Variants in PCDHGB2 observed in about 807,000 individuals in gnomAD.
PCDHGB2 encodes protocadherin gamma subfamily B, 2.
A neutral mutation model predicts 59.3 loss-of-function variants in PCDHGB2; 55 were observed. The ratio of observed to expected loss-of-function variants is 0.93; its 90% CI spans 0.75 to 1.16. The LOEUF (loss-of-function observed/expected upper bound fraction) is 1.16. Among genes scored for constraint, PCDHGB2 ranks in the 50% most tolerant of loss-of-function variants. PCDHGB2 has a pLI of 0.00. For synonymous variants in PCDHGB2, 516 were observed against 512.0 expected, an observed-to-expected ratio of 1.01 and a Z score of -0.11; for missense variants, 1,228 against 1,198.5, an observed-to-expected ratio of 1.02 and a Z score of -0.36.
At chr5:141,427,773 C>T (rs1285483564) in intron 1 of PCDHGB2, 1 of 1,414,460 alleles carries the variant, frequency 7.1e-7, no homozygotes, top group Non-Finnish European at 9.9e-7. Flanking sequence ...CTTGGAGCTG[C>T]GGGCACTGTC....
intron 1 of PCDHGB2, chr5:141,373,780 T>A (rs1403034903): frequency 7.2e-6 from 2 of 277,114 alleles, no homozygotes; most frequent in Non-Finnish European, 1.3e-5. Flanking sequence ...CTCTGCAGAT[T>A]TAGCAGAAAT....
intron 1 of PCDHGB2, chr5:141,390,100 C>A (rs2092045935): frequency 1.2e-6 from 2 of 1,614,060 alleles, no homozygotes; most frequent in Non-Finnish European, 1.7e-6. Context: ...GTGGTTCCCC[C>A]CAACTACAGC....
intron 1 of PCDHGB2, among the ~76,000 whole-genome samples, chr5:141,474,280 C>A (rs1490512371): frequency 6.6e-6 from 1 of 152,136 alleles, no homozygotes; most frequent in African/African-American, 2.4e-5. Context: ...CTCTGAATAA[C>A]CCACTAGATC....
intron 1 of PCDHGB2, chr5:141,402,998 C>G: frequency 6.2e-7 from 1 of 1,613,908 alleles, no homozygotes; most frequent in Non-Finnish European, 8.5e-7. Context: ...ATTAGTCCTG[C>G]TATGCTCGCT....
At position 141,432,554 on chromosome 5, in the gene PCDHGB2, G is replaced by A. The variant is rs757821109; in HGVS notation, c.2422-62253G>A. The A allele has an allele frequency of 9.3e-6, 15 of 1,613,832 alleles. No homozygotes were observed. Among genetic ancestry groups the A allele is most frequent in the Non-Finnish European group, 1.3e-5 (15 of 1,180,006 alleles). On this transcript the variant is annotated intron_variant, in intron 1 of 3. Coordinates refer to ENST00000522605, the MANE Select transcript of PCDHGB2 (RefSeq NM_018923.3). The surrounding 1 kb of genome is among the most constrained non-coding windows in gnomAD (Gnocchi z 6.0). ...GGTGGTGGCGGTGGACAGAGACTCCGGCCAGAACGCCTGGCTGTCCTACCG... is the reference window on the plus strand; with the variant it reads ...GGTGGTGGCGGTGGACAGAGACTCCAGCCAGAACGCCTGGCTGTCCTACCG...
At chr5:141,403,284 A>C in intron 1 of PCDHGB2, 1 of 1,613,912 alleles carries the variant, frequency 6.2e-7, no homozygotes. Flanking sequence ...GTCCTGGTTG[A>C]AGACAGAGTG....
chr5:141,458,367 G>A (rs1297876142), intron 1 of PCDHGB2, among the ~76,000 whole-genome samples: 2 of 152,130 alleles, frequency 1.3e-5, no homozygotes, highest in African/African-American at 2.4e-5. Context: ...AGAAGGAAGG[G>A]AGAAGAGAGA....
chr5:141,376,646 G>A (rs1394499987), intron 1 of PCDHGB2: 17 of 1,002,858 alleles, frequency 1.7e-5, no homozygotes, highest in Non-Finnish European at 2.3e-5. Flanking sequence ...TTTGTAAAGT[G>A]GAAGACTCCC....
In PCDHGB2 at chr5:141,422,644, T is replaced by C. The variant is rs770618826; in HGVS notation, c.2421+60088T>C. 9 of 1,612,266 alleles carry C rather than the reference T, an allele frequency of 5.6e-6. No homozygotes were observed. The Admixed American group carries it at 1.5e-4, about 27-fold the overall frequency. ...AAACAACCCCAGGGGTGCCTCCATC[T>C]TCTCAGTGACCGCCCTCGACCCGGA... On this transcript the variant is annotated intron_variant, in intron 1 of 3. Coordinates refer to ENST00000522605, the MANE Select transcript of PCDHGB2 (RefSeq NM_018923.3).
At chr5:141,403,674 T>C in intron 1 of PCDHGB2, 2 of 1,613,812 alleles carry the variant, frequency 1.2e-6, no homozygotes, top group South Asian at 2.2e-5. Flanking sequence ...AATGCCCCGG[T>C]TTTTGCTCAA....
At chr5:141,405,880 G>T (rs2094729430) in intron 1 of PCDHGB2, among the ~76,000 whole-genome samples, 1 of 152,110 alleles carries the variant, frequency 6.6e-6, no homozygotes, top group Non-Finnish European at 1.5e-5. Flanking sequence ...GGGCCTAATT[G>T]TTGCTCCAAC....
rs778244253 is a variant in PCDHGB2 at position 141,376,253 on chromosome 5, C to G, written c.2421+13697C>G. 3 of 1,614,104 alleles carry G rather than the reference C, an allele frequency of 1.9e-6. No individual in the cohort carries two copies. The African/African-American group carries it at 4.0e-5, about 22-fold the overall frequency. ...ACTGCAGCGCTGGCACAAGTCACGC[C>G]TGCTGCAGGCTTCGGGAGGTGGCTT... On this transcript the variant is annotated intron_variant, in intron 1 of 3. Transcript: ENST00000522605.
At chr5:141,467,846 A>G (rs984687278) in intron 1 of PCDHGB2, among the ~76,000 whole-genome samples, 2 of 151,926 alleles carry the variant, frequency 1.3e-5, no homozygotes, top group Non-Finnish European at 2.9e-5. Context: ...TTTTTGTAGA[A>G]TGAGATTTCA....
Position 141,383,339 on chromosome 5 carries a change from C to T in PCDHGB2, c.2421+20783C>T, listed in dbSNP as rs1244023518. ...AATGTAAAAATAATGGAGAATACAG[C>T]TCCTGGGGTTCGGTTTCCGTTAAGC... On this transcript the variant is annotated intron_variant, in intron 1 of 3. Transcript: ENST00000522605. The T allele has an allele frequency of 3.7e-6, 6 of 1,614,014 alleles. No homozygotes were observed. The highest frequency in any genetic ancestry group is 3.3e-5 in the Admixed American group (2 of 60,036).
In PCDHGB2 at chr5:141,486,890, G is replaced by T; in HGVS notation, c.2422-7917G>T. On this transcript the variant is annotated intron_variant, in intron 1 of 3. Coordinates refer to ENST00000522605, the MANE Select transcript of PCDHGB2 (RefSeq NM_018923.3). The surrounding 1 kb of genome is among the most constrained non-coding windows in gnomAD (Gnocchi z 5.0). ...TGTGCTCCGTCCTCGGGCCCGGCCT[G>T]GTTCCTTATGTCCCCAAGCACTGCC... 6.2e-7 allele frequency: 1 copy of T among 1,614,242 alleles called. No individual in the cohort carries two copies. The highest frequency in any genetic ancestry group is 8.5e-7 in the Non-Finnish European group (1 of 1,180,048).
intron 1 of PCDHGB2, chr5:141,365,502 C>A (rs373907411): frequency 7.6e-5 from 122 of 1,613,800 alleles, no homozygotes; most frequent in Admixed American, 1.3e-4. Context: ...AGGAATTTGC[C>A]TTTTAAATTG....
intron 1 of PCDHGB2, chr5:141,390,140 A>G (rs747174609): frequency 3.5e-5 from 57 of 1,613,798 alleles, no homozygotes; most frequent in Middle Eastern, 1.6e-4. Context: ...CCTACAATCT[A>G]TGTGTTGCAC....
intron 2 of PCDHGB2, among the ~76,000 whole-genome samples, chr5:141,502,787 G>T (rs2099816081): frequency 6.6e-6 from 1 of 151,394 alleles, no homozygotes; most frequent in African/African-American, 2.4e-5. Flanking sequence ...TTACCTGGAT[G>T]ATTTCTTCAG....
chr5:141,409,195 T>G lies in PCDHGB2; in HGVS notation c.2421+46639T>G, dbSNP rs750681435. 3.7e-6 allele frequency: 6 copies of G among 1,613,890 alleles called. No homozygotes were observed. The African/African-American group carries it at 8.0e-5, about 22-fold the overall frequency. On this transcript the variant is annotated intron_variant, in intron 1 of 3. Transcript: ENST00000522605. Reference sequence around the variant, plus strand: ...ACGGAGGTGGTCTCTCTACCCAGTGTAAAGTAATCATAGAAATCCTTGATG... The same window carrying G: ...ACGGAGGTGGTCTCTCTACCCAGTGGAAAGTAATCATAGAAATCCTTGATG...
Sources: allele counts gnomAD v4.1 joint callset (sites outside exome capture counted in the v4.1 genomes callset), GRCh38; gene constraint gnomAD v4.1.1; non-coding constraint Gnocchi (gnomAD v3.1); transcripts MANE v1.5; gene names NCBI Gene and HGNC (gene_info 2026-07-23, HGNC 2026-07-21).